Variants in COPS4 observed in about 807,000 individuals in gnomAD.
The protein encoded by COPS4 is COP9 signalosome subunit 4, also known as COP9 signalosome complex subunit 4.
A neutral mutation model predicts 55.1 loss-of-function variants in COPS4; 8 were observed. The observed-to-expected ratio is 0.15, with a 90% CI of 0.09 to 0.26. The LOEUF (loss-of-function observed/expected upper bound fraction) is 0.26. COPS4 is among the 10% of genes least tolerant of loss of function. The pLI, the probability that COPS4 is intolerant of heterozygous loss-of-function variation, is 1.00. For missense variants in COPS4, 248 were observed against 484.0 expected (o/e 0.51, Z 4.58); for synonymous variants, 185 against 165.7 (o/e 1.12, Z -0.90).
intron 4 of COPS4, among the ~76,000 whole-genome samples, chr4:83,054,704 T>TTTCA (rs2126130959): frequency 6.6e-6 from 1 of 152,344 alleles, no homozygotes; most frequent in Non-Finnish European, 1.5e-5. Context: ...CAGTGGTAGC[T>TTTCA]GAAACAAATA....
intron 9 of COPS4, 33 bp from the exon 10 acceptor site, chr4:83,075,264 A>C: frequency 1.9e-6 from 3 of 1,608,062 alleles, no homozygotes; most frequent in Non-Finnish European, 2.6e-6. Context: ...ACAAAGGAAT[A>C]ATTTTAATTT....
chr4:83,041,029 A>G (rs1399176222), intron 1 of COPS4, among the ~76,000 whole-genome samples: 4 of 151,522 alleles, frequency 2.6e-5, no homozygotes, highest in African/African-American at 9.7e-5. Context: ...TTAGTAATAA[A>G]ACTTATTTTC....
chr4:83,045,346 A>G (rs1239742899), intron 1 of COPS4, among the ~76,000 whole-genome samples: 1 of 152,238 alleles, frequency 6.6e-6, no homozygotes, highest in South Asian at 2.1e-4. Flanking sequence ...TAACAGAATT[A>G]TAGATTCATT....
In COPS4 at chr4:83,068,418, G is replaced by GTTT; in HGVS notation, c.1003-13_1003-11dup. On this transcript the variant is annotated intron_variant, in intron 8 of 9. Coordinates refer to ENST00000264389, the MANE Select transcript of COPS4 (RefSeq NM_016129.3). ...AAAAGATATGATAAAGTTTCTGAGA[G>GTTT]TTTTTTTTTCCCCCAATAGGCGGAA... is the stretch of plus-strand genomic sequence containing the variant. The GTTT allele has an allele frequency of 5.3e-6, 8 of 1,500,028 alleles. No homozygotes were observed. The highest frequency in any genetic ancestry group is 1.7e-5 in the Admixed American group (1 of 57,578). 92.9% of individuals were successfully genotyped at this position (1,500,028 alleles called of 1,614,324 possible). A position where few individuals can be genotyped will look rare whatever the true frequency, so the allele number is the denominator to read the frequency against.
At chr4:83,072,216 C>G (rs1403045662) in intron 9 of COPS4, among the ~76,000 whole-genome samples, 2 of 152,166 alleles carry the variant, frequency 1.3e-5, no homozygotes, top group Non-Finnish European at 2.9e-5. Flanking sequence ...TCCCAAGTAG[C>G]TGGGACTACA....
chr4:83,051,159 G>A (rs567982800), intron 4 of COPS4, among the ~76,000 whole-genome samples: 1 of 96,778 alleles, frequency 1.0e-5, no homozygotes, highest in Admixed American at 1.2e-4. Flanking sequence ...AGCTACTTGG[G>A]AGGCTGAGGC....
chr4:83,063,606 A>G (rs1040946930), intron 7 of COPS4, among the ~76,000 whole-genome samples: 8 of 149,854 alleles, frequency 5.3e-5, no homozygotes, highest in African/African-American at 2.0e-4. Flanking sequence ...ATGGGGTTTC[A>G]CCGTGTTAGC....
intron 9 of COPS4, among the ~76,000 whole-genome samples, chr4:83,075,022 C>T (rs1212976972): frequency 6.6e-6 from 1 of 151,942 alleles, no homozygotes; most frequent in Admixed American, 6.5e-5. Flanking sequence ...GAGGCTGAGT[C>T]AGGAGAATCG....
At chr4:83,070,184 T>A (rs1187651922) in intron 9 of COPS4, among the ~76,000 whole-genome samples, 1 of 152,226 alleles carries the variant, frequency 6.6e-6, no homozygotes, top group African/African-American at 2.4e-5. Context: ...CTTTGTAGAA[T>A]CTGTAGTACC....
intron 9 of COPS4, among the ~76,000 whole-genome samples, chr4:83,074,678 G>T (rs1263299356): frequency 2.0e-5 from 3 of 146,442 alleles, no homozygotes; most frequent in Non-Finnish European, 4.5e-5. Flanking sequence ...TTTAATCTTT[G>T]TATTTTTAGT....
At chr4:83,068,405 A>G in intron 8 of COPS4, 33 bp from the exon 9 acceptor site, 1 of 1,422,470 alleles carries the variant, frequency 7.0e-7, no homozygotes, top group Non-Finnish European at 9.9e-7. Context: ...AAGATATGAT[A>G]AAGTTTCTGA....
At chr4:83,069,593 A>ATC (rs1461836602) in intron 9 of COPS4, among the ~76,000 whole-genome samples, 2 of 152,078 alleles carry the variant, frequency 1.3e-5, no homozygotes, top group Non-Finnish European at 2.9e-5. Flanking sequence ...TTTTTCTTAA[A>ATC]TCTCTGACTT....
chr4:83,039,742 T>C (rs1560433628), intron 1 of COPS4, among the ~76,000 whole-genome samples: 1 of 152,178 alleles, frequency 6.6e-6, no homozygotes, highest in South Asian at 2.1e-4. Flanking sequence ...AGCAATCTTC[T>C]CGCCTTAGCC....
chr4:83,074,714 C>G (rs1007274245), intron 9 of COPS4, among the ~76,000 whole-genome samples: 2 of 151,402 alleles, frequency 1.3e-5, no homozygotes, highest in African/African-American at 4.9e-5. Flanking sequence ...CCATGTTGGC[C>G]GGGCTGGTCT....
intron 9 of COPS4, chr4:83,073,164 T>G: frequency 1.7e-6 from 1 of 571,934 alleles, no homozygotes; most frequent in South Asian, 2.2e-5. Context: ...AAGGAAGCCC[T>G]TGCCCTTTAA....
rs751003224 is a variant in COPS4 at position 83,075,315 on chromosome 4, C to T, written c.1106C>T (p.Thr369Met). Reference protein sequence around the residue: ...VHFETREALPTWDKQIQSLCF... With the variant: ...VHFETREALPMWDKQIQSLCF... Reference sequence around the variant, plus strand: ...CCCTTAGCACGAGAAGCCCTGCCAACGTGGGATAAGCAGATCCAATCACTT... The same window carrying T: ...CCCTTAGCACGAGAAGCCCTGCCAATGTGGGATAAGCAGATCCAATCACTT... Residue 369 changes from threonine (T) to methionine (M), a missense_variant, in exon 10 of 10, where the codon ACG (threonine) becomes ATG (methionine). Thr to Met is a moderately conservative substitution (Grantham distance 81). Transcript: ENST00000264389. The T allele has an allele frequency of 6.2e-6, 10 of 1,613,540 alleles. No homozygotes were observed. The East Asian group carries it at 8.9e-5, about 14-fold the overall frequency.
intron 6 of COPS4, among the ~76,000 whole-genome samples, chr4:83,060,130 C>T (rs1253325013): frequency 2.0e-5 from 3 of 151,496 alleles, no homozygotes; most frequent in Non-Finnish European, 4.4e-5. Context: ...ATTTTAATCG[C>T]ATTTTCAGGT....
Position 83,075,632 on chromosome 4 carries a change from T to A in COPS4, c.*202T>A. 2.1e-6 allele frequency: 1 copy of A among 478,798 alleles called. No homozygotes were observed. Among genetic ancestry groups the A allele is most frequent in the East Asian group, 3.5e-5 (1 of 28,510 alleles). 29.7% of individuals were successfully genotyped at this position (478,798 alleles called of 1,614,324 possible). The stretch of plus-strand genomic sequence containing the variant: ...CATATATTTCAGGGTCTCTGTGTAT[T>A]AAGCTAACTCAGATGTTTTGAAAGC... On this transcript the variant is annotated 3_prime_UTR_variant, in exon 10 of 10. Transcript: ENST00000264389.
At chr4:83,072,897 C>G (rs564239797) in intron 9 of COPS4, among the ~76,000 whole-genome samples, 3 of 152,026 alleles carry the variant, frequency 2.0e-5, no homozygotes, top group Non-Finnish European at 4.4e-5. Flanking sequence ...TTCACATGGG[C>G]TGGGCACAGT....
Sources: allele counts gnomAD v4.1 joint callset (sites outside exome capture counted in the v4.1 genomes callset), GRCh38; gene constraint gnomAD v4.1.1; transcripts MANE v1.5; gene names NCBI Gene and HGNC (gene_info 2026-07-23, HGNC 2026-07-21).